Variants in CIMIP3 observed in about 807,000 individuals in gnomAD.
The protein encoded by CIMIP3 is ciliary microtubule inner protein 3, also known as GUCA1A neighbor.
At chr6:42,163,381 T>C in the CIMIP3 span, 4 of 413,330 alleles carry the variant, frequency 9.7e-6, no homozygotes, top group South Asian at 3.5e-4. Context: ...TGCCCACCTA[T>C]TGACAATGAT....
the CIMIP3 span, among the ~76,000 whole-genome samples, chr6:42,161,137 G>C: frequency 2.6e-5 from 4 of 152,186 alleles, no homozygotes; most frequent in African/African-American, 7.2e-5. Flanking sequence ...GCAGTGAGCT[G>C]AGATTGCATC....
At chr6:42,157,547 C>CTCTTCTT in the CIMIP3 span, among the ~76,000 whole-genome samples, 1 of 147,522 alleles carries the variant, frequency 6.8e-6, no homozygotes, top group African/African-American at 2.5e-5. Flanking sequence ...ATGGTGCCGG[C>CTCTTCTT]TCTTTTTTCT....
chr6:42,160,311 C>T, the CIMIP3 span, among the ~76,000 whole-genome samples: 2 of 152,194 alleles, frequency 1.3e-5, no homozygotes, highest in Non-Finnish European at 2.9e-5. Flanking sequence ...TTGATGACCA[C>T]TATCACAGTT....
At chr6:42,156,938 C>T in the CIMIP3 span, among the ~76,000 whole-genome samples, 1 of 152,252 alleles carries the variant, frequency 6.6e-6, no homozygotes, top group Non-Finnish European at 1.5e-5. Context: ...GGCACAAGGC[C>T]TTCCCCCAGA....
chr6:42,162,857 G>C, the CIMIP3 span: 1 of 589,734 alleles, frequency 1.7e-6, no homozygotes, highest in Non-Finnish European at 3.1e-6. Context: ...TTCTGCCCCT[G>C]GCATAGCAGT....
the CIMIP3 span, among the ~76,000 whole-genome samples, chr6:42,157,082 G>C: frequency 6.6e-6 from 1 of 152,180 alleles, no homozygotes; most frequent in Non-Finnish European, 1.5e-5. Context: ...GCCCTACTCA[G>C]AAAGCCCCAC....
the CIMIP3 span, among the ~76,000 whole-genome samples, chr6:42,162,090 CTTTTTTTTTTT>C: frequency 8.9e-4 from 56 of 63,092 alleles, 1 homozygote; most frequent in Middle Eastern, 8.3e-3. Flanking sequence ...AAGCCACATT[CTTTTTTTTTTT>C]TTTTTTTTTT....
At chr6:42,161,106 T>G in the CIMIP3 span, among the ~76,000 whole-genome samples, 3,347 of 152,322 alleles carry the variant, frequency 0.022, 53 homozygotes, top group Middle Eastern at 0.041. Flanking sequence ...GAGAATTGCT[T>G]GAACCCAGGA....
the CIMIP3 span, among the ~76,000 whole-genome samples, chr6:42,158,971 A>T: frequency 6.6e-6 from 1 of 152,288 alleles, no homozygotes; most frequent in South Asian, 2.1e-4. Context: ...CAGCTCCCTC[A>T]TCTTCATGGC....
the CIMIP3 span, chr6:42,155,667 CG>C: frequency 1.4e-6 from 1 of 716,068 alleles, no homozygotes; most frequent in Non-Finnish European, 2.6e-6. Context: ...CCCCAGCTGT[CG>C]GACCTCTGCG....
chr6:42,161,417 T>A, the CIMIP3 span, among the ~76,000 whole-genome samples: 2 of 152,066 alleles, frequency 1.3e-5, no homozygotes, highest in Admixed American at 6.5e-5. Flanking sequence ...ACACGCAGGA[T>A]GGATGATTGC....
At chr6:42,155,703 G>A in the CIMIP3 span, 2 of 706,318 alleles carry the variant, frequency 2.8e-6, no homozygotes, top group East Asian at 2.7e-5. Flanking sequence ...ATGGAGAGAG[G>A]GAACAGGACA....
the CIMIP3 span, among the ~76,000 whole-genome samples, chr6:42,156,358 T>A: frequency 6.6e-6 from 1 of 151,852 alleles, no homozygotes; most frequent in Non-Finnish European, 1.5e-5. Context: ...TCTCTCAATG[T>A]TGCCCAGGCT....
chr6:42,156,776 C>T, the CIMIP3 span, among the ~76,000 whole-genome samples: 1 of 152,238 alleles, frequency 6.6e-6, no homozygotes. Flanking sequence ...AGAGGCTCAG[C>T]CACTTGCCCA....
chr6:42,159,657 C>T, the CIMIP3 span, among the ~76,000 whole-genome samples: 1 of 152,220 alleles, frequency 6.6e-6, no homozygotes, highest in Admixed American at 6.5e-5. Flanking sequence ...TCACCTGCCA[C>T]CCAGCACACC....
At chr6:42,158,858 T>C in the CIMIP3 span, among the ~76,000 whole-genome samples, 16 of 152,168 alleles carry the variant, frequency 1.1e-4, no homozygotes, top group Non-Finnish European at 1.8e-4. Flanking sequence ...CCTGCCTCTG[T>C]CACCCCTGGC....
the CIMIP3 span, among the ~76,000 whole-genome samples, chr6:42,159,618 C>T: frequency 2.6e-5 from 4 of 152,328 alleles, no homozygotes; most frequent in South Asian, 8.3e-4. Context: ...TCCAGTGAGC[C>T]GGAAGCTGTG....
At chr6:42,162,833 C>T in the CIMIP3 span, 1 of 572,336 alleles carries the variant, frequency 1.7e-6, no homozygotes. Context: ...TGAGCAGTGG[C>T]TCTTTCTCCT....
At chr6:42,161,360 C>T in the CIMIP3 span, among the ~76,000 whole-genome samples, 11 of 152,030 alleles carry the variant, frequency 7.2e-5, no homozygotes, top group Non-Finnish European at 1.6e-4. Context: ...AAATGGATTC[C>T]CCTGACCGCT....
Sources: gnomAD v4.1 joint callset for allele counts (sites outside exome capture counted in the v4.1 genomes callset) on GRCh38, gnomAD v4.1.1 for gene constraint, MANE v1.5 for transcripts, NCBI Gene and HGNC (gene_info 2026-07-23, HGNC 2026-07-21) for gene names.